Variants in PRKG1 observed in about 807,000 individuals in gnomAD.
PRKG1 encodes protein kinase cGMP-dependent 1.
In PRKG1, 35 loss-of-function variants were observed where a neutral mutation model predicts 88.1. That is an observed-to-expected ratio of 0.40 (90% CI 0.30 to 0.53). PRKG1 has a LOEUF of 0.53. PRKG1 is among the 20% of genes least tolerant of loss of function. The pLI, the probability that PRKG1 is intolerant of heterozygous loss-of-function variation, is 0.59. For synonymous variants in PRKG1, 303 were observed against 292.5 expected, an observed-to-expected ratio of 1.04 and a Z score of -0.37; for missense variants, 540 against 839.8, an observed-to-expected ratio of 0.64 and a Z score of 4.41.
intron 2 of PRKG1, among the ~76,000 whole-genome samples, chr10:51,268,054 G>T (rs1839882097): frequency 1.3e-5 from 2 of 152,116 alleles, no homozygotes; most frequent in Non-Finnish European, 2.9e-5. Context: ...TTTAAGCTGG[G>T]TGTCCAGGGG....
chr10:52,283,098 C>T (rs11001445), intron 14 of PRKG1, among the ~76,000 whole-genome samples: 16,597 of 151,990 alleles, frequency 0.11, 1,495 homozygotes, highest in African/African-American at 0.24. Flanking sequence ...CATCTTTTGA[C>T]GATCATGATT....
intron 2 of PRKG1, among the ~76,000 whole-genome samples, chr10:51,298,401 G>T (rs1466094311): frequency 6.6e-6 from 1 of 152,158 alleles, no homozygotes; most frequent in African/African-American, 2.4e-5. Context: ...ACCAATTACT[G>T]ATTACATGAA....
chr10:51,262,943 AACT>A (rs1385676028), intron 2 of PRKG1, among the ~76,000 whole-genome samples: 1 of 152,182 alleles, frequency 6.6e-6, no homozygotes, highest in Non-Finnish European at 1.5e-5. Context: ...GGGGACACAG[AACT>A]AAACTCTATC....
rs2132804562 is a variant in PRKG1 at position 51,074,782 on chromosome 10, C to T, written c.192C>T (p.Ser64=). The change falls in exon 1 of 18, where the codon AGC becomes AGT. Residue 64 remains serine (S), a synonymous_variant. Coordinates refer to ENST00000373980, the MANE Select transcript of PRKG1 (RefSeq NM_006258.4). The stretch of plus-strand genomic sequence containing the variant: ...CCACCCAGCAGGCGCAGAAGCAGAG[C>T]GCGAGCACCTTGCAGGGCGAGCCGC... ...RPATQQAQKQ[S]ASTLQGEPRT... The T allele has an allele frequency of 6.2e-7, 1 of 1,613,984 alleles. No individual in the cohort carries two copies. The highest frequency in any genetic ancestry group is 1.3e-5 in the African/African-American group (1 of 75,056).
chr10:51,187,750 T>C (rs1837529501), intron 2 of PRKG1, among the ~76,000 whole-genome samples: 1 of 152,066 alleles, frequency 6.6e-6, no homozygotes, highest in Non-Finnish European at 1.5e-5. Context: ...AAGGCTACAA[T>C]GCCTAAATAT....
intron 2 of PRKG1, among the ~76,000 whole-genome samples, chr10:51,277,932 G>A (rs1840172444): frequency 6.6e-6 from 1 of 152,070 alleles, no homozygotes; most frequent in African/African-American, 2.4e-5. Flanking sequence ...TTTCCTAATT[G>A]AATACCCTTT....
At chr10:51,286,272 A>G (rs970883215) in intron 2 of PRKG1, among the ~76,000 whole-genome samples, 2 of 152,162 alleles carry the variant, frequency 1.3e-5, no homozygotes, top group African/African-American at 2.4e-5. Flanking sequence ...CACCTGGCCC[A>G]GCAGGAATCT....
At chr10:51,336,359 T>A (rs902809087) in intron 2 of PRKG1, among the ~76,000 whole-genome samples, 1 of 149,060 alleles carries the variant, frequency 6.7e-6, no homozygotes, top group Non-Finnish European at 1.5e-5. Context: ...TCTCAAAAAA[T>A]AAATAAATAA....
At chr10:51,882,968 G>A (rs762189456) in intron 4 of PRKG1, among the ~76,000 whole-genome samples, 36 of 152,212 alleles carry the variant, frequency 2.4e-4, no homozygotes, top group Non-Finnish European at 3.4e-4. Flanking sequence ...AATACATTAT[G>A]TCTGGGTGCA....
chr10:51,072,179 G>C (rs377297254), upstream of PRKG1, among the ~76,000 whole-genome samples: 1 of 151,110 alleles, frequency 6.6e-6, no homozygotes, highest in Non-Finnish European at 1.5e-5. Context: ...TGGGTGACCA[G>C]AGCAAAACTC....
chr10:51,920,585 ATATC>A (rs1842443699), intron 5 of PRKG1, among the ~76,000 whole-genome samples: 1 of 152,120 alleles, frequency 6.6e-6, no homozygotes, highest in Admixed American at 6.6e-5. Flanking sequence ...GTGTGTTTAT[ATATC>A]TATCTTTATA....
chr10:51,459,674 A>G (rs996821069), intron 2 of PRKG1, among the ~76,000 whole-genome samples: 21 of 152,176 alleles, frequency 1.4e-4, no homozygotes, highest in Admixed American at 5.2e-4. Flanking sequence ...AAGTTATCTA[A>G]GTTTCCACAG....
Position 51,024,769 on chromosome 10 carries a change from C to T in PRKG1, c.266+33125C>T, listed in dbSNP as rs371625446. Among the ~76,000 whole-genome samples, 8 of 152,180 alleles carry T rather than the reference C, an allele frequency of 5.3e-5. No individual in the cohort carries two copies. The South Asian group carries it at 1.0e-3, about 20-fold the overall frequency. ...CCAGAGCAGGAGGAAGAGAGGGAAA[C>T]GGGTAGGTACGACACACTTTTAAGC... On this transcript the variant is annotated intron_variant, in intron 1 of 17. Transcript: ENST00000401604.
intron 2 of PRKG1, among the ~76,000 whole-genome samples, chr10:51,330,108 TA>T (rs1841696272): frequency 3.2e-4 from 2 of 6,342 alleles, no homozygotes; most frequent in African/African-American, 1.4e-3. Flanking sequence ...TTTGCTCTTT[TA>T]TTTATTTATT....
At chr10:51,093,759 A>G (rs945782667) in intron 1 of PRKG1, among the ~76,000 whole-genome samples, 3 of 143,654 alleles carry the variant, frequency 2.1e-5, no homozygotes, top group African/African-American at 7.8e-5. Context: ...ATGTATATAT[A>G]CATATATACA....
intron 1 of PRKG1, among the ~76,000 whole-genome samples, chr10:51,082,509 T>G (rs567381852): frequency 1.3e-5 from 2 of 152,200 alleles, no homozygotes; most frequent in African/African-American, 4.8e-5. Context: ...ATATCAGTAA[T>G]TTTTGATGAT....
chr10:51,990,919 A>G (rs1844289366), intron 5 of PRKG1, among the ~76,000 whole-genome samples: 1 of 152,180 alleles, frequency 6.6e-6, no homozygotes, highest in Non-Finnish European at 1.5e-5. Flanking sequence ...GCTGCATAGT[A>G]TTCCATGGTG....
At chr10:51,143,492 T>C (rs576424178) in intron 1 of PRKG1, among the ~76,000 whole-genome samples, 2 of 152,216 alleles carry the variant, frequency 1.3e-5, no homozygotes, top group South Asian at 4.1e-4. Context: ...TTTGGGTATA[T>C]ACCCAGTAGT....
chr10:51,059,540 G>A (rs368651483), intron 1 of PRKG1, among the ~76,000 whole-genome samples: 247 of 152,082 alleles, frequency 1.6e-3, no homozygotes, highest in African/African-American at 5.2e-3. Context: ...GAGATTATGC[G>A]CATGAGCCGC....
Sources: gnomAD v4.1 joint callset for allele counts (sites outside exome capture counted in the v4.1 genomes callset) on GRCh38, gnomAD v4.1.1 for gene constraint, MANE v1.5 for transcripts, NCBI Gene and HGNC (gene_info 2026-07-23, HGNC 2026-07-21) for gene names.